Variants in STK35 observed in about 807,000 individuals in gnomAD.
STK35 encodes serine/threonine kinase 35.
Under a neutral mutation model 37.3 loss-of-function variants are expected in STK35, and 17 were observed. That is an observed-to-expected ratio of 0.46 (90% CI 0.31 to 0.68). The LOEUF is 0.68. Ranked by LOEUF, STK35 falls within the 30% of genes least tolerant of loss-of-function variation. The pLI is 0.05. For missense variants in STK35, 595 were observed against 746.7 expected, an observed-to-expected ratio of 0.80 and a Z score of 2.37; for synonymous variants, 385 against 319.1, an observed-to-expected ratio of 1.21 and a Z score of -2.20.
rs557769888 is a variant in STK35 at position 2,107,445 on chromosome 20, G to T, written c.892+4080G>T. On this transcript the variant is annotated intron_variant, in intron 2 of 3. Transcript: ENST00000381482. The stretch of plus-strand genomic sequence containing the variant: ...AACCGAGGCCTTGGAAAGTAATCTT[G>T]CCTGCACACCAAGTGGCTTTGAGCC... Among the ~76,000 whole-genome samples, 3 of 152,328 alleles carry T rather than the reference G, an allele frequency of 2.0e-5. No homozygotes were observed. The South Asian group carries it at 6.2e-4, about 32-fold the overall frequency.
intron 2 of STK35, among the ~76,000 whole-genome samples, chr20:2,107,754 G>T (rs995638423): frequency 5.9e-5 from 9 of 152,124 alleles, no homozygotes; most frequent in Non-Finnish European, 1.3e-4. Context: ...GAGCAAGGCC[G>T]TTCCCTCCCC....
chr20:2,133,893 G>T (rs538460996), intron 3 of STK35, among the ~76,000 whole-genome samples: 63 of 152,254 alleles, frequency 4.1e-4, no homozygotes, highest in Middle Eastern at 3.4e-3. Context: ...ACATCTCTTT[G>T]CAGCAGCATG....
At position 2,145,323 on chromosome 20, in the gene STK35, T is replaced by A. The variant is rs1346731579; in HGVS notation, c.*1577T>A. On this transcript the variant is annotated 3_prime_UTR_variant, in exon 4 of 4. Coordinates refer to ENST00000381482, the MANE Select transcript of STK35 (RefSeq NM_080836.4). ...GGGCCACTGGGGAGGGGGAAGGGAA[T>A]CATTTTGTGTTCATTTTTGTTTTCT... 4 of 152,254 alleles carry A rather than the reference T, an allele frequency of 2.6e-5. No individual in the cohort carries two copies. The highest frequency in any genetic ancestry group is 9.7e-5 in the African/African-American group (4 of 41,420). The allele number at this position is 152,254 out of a possible 1,614,324, so 9.4% of individuals were successfully genotyped here. A position where few individuals can be genotyped will look rare whatever the true frequency, so the allele number is the denominator to read the frequency against.
rs2122599043 is a variant in STK35 at position 2,146,265 on chromosome 20, C to G, written c.*2519C>G. 1 of 152,428 alleles carries G rather than the reference C, an allele frequency of 6.6e-6. No individual in the cohort carries two copies. Among genetic ancestry groups the G allele is most frequent in the South Asian group, 2.1e-4 (1 of 4,826 alleles). 9.4% of individuals were successfully genotyped at this position (152,428 alleles called of 1,614,324 possible). On this transcript the variant is annotated 3_prime_UTR_variant, in exon 4 of 4. Transcript: ENST00000381482. ...GCCGTGGCTCAGCCCCGGGTAGCAC[C>G]TGTAGTTTCAGTGCCACTCTCCACT...
intron 3 of STK35, among the ~76,000 whole-genome samples, chr20:2,143,327 G>A (rs1327188442): frequency 1.3e-5 from 2 of 152,178 alleles, no homozygotes; most frequent in Non-Finnish European, 2.9e-5. Context: ...CAGGATTACT[G>A]AACCTAGAGA....
chr20:2,103,332 C>G lies in STK35; in HGVS notation c.859C>G (p.Leu287Val). 2 of 1,612,626 alleles carry G rather than the reference C, an allele frequency of 1.2e-6. No individual in the cohort carries two copies. The highest frequency in any genetic ancestry group is 1.7e-6 in the Non-Finnish European group (2 of 1,179,506). ...RMSHGNKSSQ[L>V]YLRLVETSLK... The stretch of plus-strand genomic sequence containing the variant: ...GAGTCACGGCAACAAGAGCTCGCAG[C>G]TTTACCTGCGCCTGGTGGAGACCTC... Residue 287 changes from leucine (L) to valine (V), a missense_variant, in exon 2 of 4, where the codon CTT becomes GTT. By Grantham distance (32) the Leu-to-Val change is conservative. Around this residue, in one of 3 missense-constraint regions of STK35, gnomAD observed 97 missense variants for 146.4 expected, o/e 0.66. Transcript: ENST00000381482.
In STK35 at chr20:2,146,288, A is replaced by T. The variant is rs1460000498; in HGVS notation, c.*2542A>T. 6.6e-6 allele frequency: 1 copy of T among 152,310 alleles called. No individual in the cohort carries two copies. Among genetic ancestry groups the T allele is most frequent in the Non-Finnish European group, 1.5e-5 (1 of 68,202 alleles). 9.4% of individuals were successfully genotyped at this position (152,310 alleles called of 1,614,324 possible). ...ACCTGTAGTTTCAGTGCCACTCTCC[A>T]CTGTCCCCTTGTGGACCAGCTTCCA... On this transcript the variant is annotated 3_prime_UTR_variant, in exon 4 of 4. Transcript: ENST00000381482.
At chr20:2,102,324 G>A (rs1218136371) in intron 1 of STK35, 149 bp downstream of exon 1, 1 of 1,111,142 alleles carries the variant, frequency 9.0e-7, no homozygotes, top group Non-Finnish European at 1.2e-6. Flanking sequence ...CGTCGCCCTC[G>A]GGGACTTGGG....
At chr20:2,127,885 C>G (rs1206632222) in intron 3 of STK35, among the ~76,000 whole-genome samples, 3 of 152,120 alleles carry the variant, frequency 2.0e-5, no homozygotes. Flanking sequence ...GAAGTTTTAA[C>G]CATGGTTAAA....
rs546554049 is a variant in STK35, at chr20:2,125,288, C to T, written c.*37+7873C>T. Reference sequence around the variant, plus strand: ...GTTATCAAAACCTGCTCTGAGGGACCCCTTGACTTGTGCAGGGCAGAGACC... The same window carrying T: ...GTTATCAAAACCTGCTCTGAGGGACTCCTTGACTTGTGCAGGGCAGAGACC... On this transcript the variant is annotated intron_variant, in intron 3 of 3. Transcript: ENST00000381482. Among the ~76,000 whole-genome samples, 248 of 152,284 alleles carry T rather than the reference C, an allele frequency of 1.6e-3. 1 individual carries two copies. The highest frequency in any genetic ancestry group is 5.8e-3 in the African/African-American group (241 of 41,560).
chr20:2,109,723 A>G (rs1332879110), intron 2 of STK35, among the ~76,000 whole-genome samples: 2 of 152,248 alleles, frequency 1.3e-5, no homozygotes, highest in Admixed American at 1.3e-4. Flanking sequence ...GGCACCATTC[A>G]AGGTGCTTTG....
At chr20:2,127,073 G>A (rs902302479) in intron 3 of STK35, among the ~76,000 whole-genome samples, 5 of 152,120 alleles carry the variant, frequency 3.3e-5, no homozygotes, top group African/African-American at 1.2e-4. Flanking sequence ...CCTGAACTCG[G>A]AGGCCTGGTA....
chr20:2,116,622 T>C, intron 2 of STK35, 44 bp from the exon 3 acceptor site: 1 of 1,565,774 alleles, frequency 6.4e-7, no homozygotes, highest in Non-Finnish European at 8.7e-7. Context: ...GAAGTGTGAC[T>C]GTGTCCATCT....
intron 2 of STK35, among the ~76,000 whole-genome samples, chr20:2,112,289 G>C (rs1985634818): frequency 6.6e-6 from 1 of 152,168 alleles, no homozygotes. Flanking sequence ...TTTTTATTGG[G>C]AACTTAAGCA....
chr20:2,135,141 G>T (rs542879476), intron 3 of STK35, among the ~76,000 whole-genome samples: 10 of 152,300 alleles, frequency 6.6e-5, no homozygotes, highest in African/African-American at 2.2e-4. Flanking sequence ...TCATCTTCCC[G>T]TGTTTCACTT....
intron 3 of STK35, among the ~76,000 whole-genome samples, chr20:2,143,385 T>C (rs1321719192): frequency 2.6e-5 from 4 of 151,856 alleles, no homozygotes; most frequent in Non-Finnish European, 2.9e-5. Flanking sequence ...TCACAGAGAG[T>C]GGGGAAGAAA....
intron 2 of STK35, among the ~76,000 whole-genome samples, chr20:2,106,640 T>A (rs755181533): frequency 6.6e-6 from 1 of 152,214 alleles, no homozygotes; most frequent in South Asian, 2.1e-4. Context: ...TGCCTAGGAC[T>A]GTGGATAGGC....
intron 2 of STK35, among the ~76,000 whole-genome samples, chr20:2,111,454 A>G (rs1483594519): frequency 6.6e-6 from 1 of 152,098 alleles, no homozygotes; most frequent in African/African-American, 2.4e-5. Context: ...CCCAGTACTT[A>G]AGGAGGCTGA....
rs772668744 is a variant in STK35 at position 2,102,015 on chromosome 20, C to G, written c.134C>G (p.Ala45Gly). ...HGSLGAQASPASAAAAEGSAT... is the reference protein window; with the variant it reads ...HGSLGAQASPGSAAAAEGSAT... ...AGCCTAGGAGCCCAGGCTTCCCCAGCGAGCGCCGCGGCAGCAGAAGGATCC... is the reference window on the plus strand; with the variant it reads ...AGCCTAGGAGCCCAGGCTTCCCCAGGGAGCGCCGCGGCAGCAGAAGGATCC... Residue 45 changes from alanine to glycine, a missense_variant, in exon 1 of 4, where the codon GCG becomes GGG. By Grantham distance (60) the Ala-to-Gly change is moderately conservative. Coordinates refer to ENST00000381482, the MANE Select transcript of STK35 (RefSeq NM_080836.4). 2.6e-6 allele frequency: 4 copies of G among 1,527,120 alleles called. No individual in the cohort carries two copies. The allele number at this position is 1,527,120 out of a possible 1,614,324, so 94.6% of individuals were successfully genotyped here. A position where few individuals can be genotyped will look rare whatever the true frequency, so the allele number is the denominator to read the frequency against.
Sources: allele counts gnomAD v4.1 joint callset (sites outside exome capture counted in the v4.1 genomes callset), GRCh38; gene constraint gnomAD v4.1.1; regional missense constraint gnomAD v4.1.1; transcripts MANE v1.5; gene names NCBI Gene and HGNC (gene_info 2026-07-23, HGNC 2026-07-21).